FAHD1: variants seen among roughly 807,000 people sequenced by gnomAD.
The protein encoded by FAHD1 is FAH domain containing oxaloacetate decarboxylase 1.
Under a neutral mutation model 12.7 loss-of-function variants are expected in FAHD1, and 14 were observed. The observed-to-expected ratio is 1.10, with a 90% CI of 0.73 to 1.72. The LOEUF (loss-of-function observed/expected upper bound fraction) is 1.72. FAHD1 is among the 40% of genes most tolerant of loss of function. The pLI is 0.00. For synonymous variants in FAHD1, 153 were observed against 124.9 expected (o/e 1.22, Z -1.50); for missense variants, 351 against 298.9 (o/e 1.17, Z -1.29).
downstream of FAHD1, chr16:1,828,930 T>G (rs909665178): frequency 1.0e-6 from 1 of 999,746 alleles, no homozygotes; most frequent in African/African-American, 1.7e-5. Context: ...AAGGGTAATT[T>G]TTTTCCCCCC....
At chr16:1,832,366 C>T (rs1898637729), downstream of FAHD1, among the ~76,000 whole-genome samples, 2 of 150,814 alleles carry the variant, frequency 1.3e-5, no homozygotes, top group African/African-American at 4.8e-5. Context: ...AGAGACAGGG[C>T]TTCACCGTGT....
At position 1,839,481 on chromosome 16, in the gene FAHD1, C is replaced by G. The variant is rs776658820; in HGVS notation, c.*228C>G. ...CAATGATAAAATGTGATGCCCTAAG[C>G]TACAAATTTCATCTGTAGCAGAAAA... On this transcript the variant is annotated 3_prime_UTR_variant, in exon 3 of 3. Coordinates refer to the FAHD1 transcript ENST00000382666. 2.6e-6 allele frequency: 4 copies of G among 1,524,162 alleles called. No homozygotes were observed. In the African/African-American group the frequency reaches 5.6e-5, roughly 21 times the overall value. The allele number at this position is 1,524,162 out of a possible 1,614,324, so 94.4% of individuals were successfully genotyped here. A position where few individuals can be genotyped will look rare whatever the true frequency, so the allele number is the denominator to read the frequency against.
chr16:1,828,288 A>AAAC, exon 1 of FAHD1: 3 of 1,004,040 alleles, frequency 3.0e-6, no homozygotes, highest in Non-Finnish European at 3.6e-6. Flanking sequence ...AAAAAAAAAA[A>AAAC]AAAAAGAAAC....
intron 1 of FAHD1, among the ~76,000 whole-genome samples, chr16:1,836,747 A>G (rs1251845405): frequency 6.6e-6 from 1 of 152,140 alleles, no homozygotes; most frequent in Non-Finnish European, 1.5e-5. Flanking sequence ...CATGAGATGA[A>G]AACTAATTTC....
chr16:1,829,686 G>A (rs549765939), downstream of FAHD1, among the ~76,000 whole-genome samples: 7 of 152,096 alleles, frequency 4.6e-5, no homozygotes, highest in African/African-American at 7.2e-5. Flanking sequence ...GGCAATGCAT[G>A]TAATTACAGA....
exon 1 of FAHD1, chr16:1,827,333 G>A: frequency 6.2e-7 from 1 of 1,613,154 alleles, no homozygotes; most frequent in East Asian, 2.2e-5. Context: ...AGGGAGATGC[G>A]CAGCGCGGTG....
chr16:1,835,375 T>C (rs1369601579), intron 1 of FAHD1, among the ~76,000 whole-genome samples: 2 of 152,186 alleles, frequency 1.3e-5, no homozygotes, highest in Admixed American at 6.5e-5. Context: ...TACAGGAATA[T>C]GATGACATAA....
exon 1 of FAHD1, chr16:1,827,501 T>C (rs1288754696): frequency 1.2e-6 from 2 of 1,612,948 alleles, no homozygotes; most frequent in Non-Finnish European, 1.7e-6. Flanking sequence ...GCTGCGGCCA[T>C]GGACTACGTG....
intron 1 of FAHD1, chr16:1,834,465 G>T (rs1898685988): frequency 3.1e-6 from 2 of 643,190 alleles, no homozygotes; most frequent in South Asian, 4.0e-5. Context: ...GAACTGCAAT[G>T]AAAGTTTTGT....
At chr16:1,830,637 T>C (rs1042205935), downstream of FAHD1, among the ~76,000 whole-genome samples, 1 of 152,092 alleles carries the variant, frequency 6.6e-6, no homozygotes, top group African/African-American at 2.4e-5. Flanking sequence ...GCACACAAAG[T>C]CCTTAGATGC....
exon 1 of FAHD1, chr16:1,828,890 A>T: frequency 1.0e-6 from 1 of 1,000,232 alleles, no homozygotes; most frequent in Non-Finnish European, 1.2e-6. Flanking sequence ...CTGTTTTCCA[A>T]ATAAAGGTGC....
chr16:1,828,089 G>A (rs1898541385), exon 1 of FAHD1: 1 of 1,183,148 alleles, frequency 8.5e-7, no homozygotes, highest in Admixed American at 3.0e-5. Context: ...AGACCATCTT[G>A]GCTAACAGGG....
At chr16:1,838,728 A>G (rs984766709) in intron 2 of FAHD1, among the ~76,000 whole-genome samples, 2 of 151,882 alleles carry the variant, frequency 1.3e-5, no homozygotes, top group African/African-American at 4.8e-5. Context: ...GTCTTGCTCT[A>G]TCACTCAGGC....
intron 1 of FAHD1, among the ~76,000 whole-genome samples, chr16:1,834,714 C>G (rs1052354891): frequency 6.6e-6 from 1 of 152,144 alleles, no homozygotes; most frequent in East Asian, 1.9e-4. Context: ...GGGTGGATCA[C>G]CTGAGGTCAG....
downstream of FAHD1, among the ~76,000 whole-genome samples, chr16:1,832,498 A>T (rs1898640543): frequency 6.7e-6 from 1 of 148,172 alleles, no homozygotes; most frequent in Admixed American, 6.7e-5. Flanking sequence ...TAAAAATATA[A>T]GTGTCAGCTG....
chr16:1,827,849 C>T (rs1241243528), exon 1 of FAHD1: 1 of 1,613,972 alleles, frequency 6.2e-7, no homozygotes, highest in East Asian at 2.2e-5. Context: ...GAGATCGAGG[C>T]TGGCATACAC....
chr16:1,839,744 C>G (rs1898850397), exon 3 of FAHD1: 1 of 282,990 alleles, frequency 3.5e-6, no homozygotes, highest in Non-Finnish European at 6.7e-6. Context: ...TTCTCGTATC[C>G]CAGCCTGCAG....
At chr16:1,832,820 C>A (rs925736045), downstream of FAHD1, among the ~76,000 whole-genome samples, 2 of 152,086 alleles carry the variant, frequency 1.3e-5, no homozygotes, top group East Asian at 1.9e-4. Flanking sequence ...ACAAACCCCC[C>A]AGTTCTCCCC....
chr16:1,834,447 C>T (rs746335150), intron 1 of FAHD1: 24 of 735,998 alleles, frequency 3.3e-5, no homozygotes, highest in African/African-American at 5.3e-5. Flanking sequence ...TCAATGATCA[C>T]GAATAGAGAA....
Sources: allele counts gnomAD v4.1 joint callset (sites outside exome capture counted in the v4.1 genomes callset), GRCh38; gene constraint gnomAD v4.1.1; transcripts MANE v1.5; gene names NCBI Gene and HGNC (gene_info 2026-07-23, HGNC 2026-07-21).